Variants in GUCA1A observed in about 807,000 individuals in gnomAD.
GUCA1A encodes the protein guanylyl cyclase-activating protein 1.
A neutral mutation model predicts 18.5 loss-of-function variants in GUCA1A; 14 were observed. That is an observed-to-expected ratio of 0.76 (90% CI 0.50 to 1.18). GUCA1A has a LOEUF of 1.18. GUCA1A is among the 50% of genes most tolerant of loss of function. GUCA1A has a pLI of 0.00. For synonymous variants in GUCA1A, 97 were observed against 100.2 expected (o/e 0.97, Z 0.19); for missense variants, 264 against 262.4 (o/e 1.01, Z -0.04).
intron 1 of GUCA1A, among the ~76,000 whole-genome samples, chr6:42,177,968 C>G (rs1410507862): frequency 6.6e-6 from 1 of 152,236 alleles, no homozygotes; most frequent in African/African-American, 2.4e-5. Context: ...AAGCAGGCAG[C>G]GCTCGCTAAA....
At chr6:42,173,884 G>C in intron 1 of GUCA1A, 70 bp downstream of exon 1, 1 of 1,162,998 alleles carries the variant, frequency 8.6e-7, no homozygotes, top group Non-Finnish European at 1.3e-6. Flanking sequence ...ACCAGCTGGG[G>C]GTGAGGAAGA....
At position 42,179,500 on chromosome 6, in the gene GUCA1A, C is replaced by G; in HGVS notation, c.*97C>G. ...TTAACCCTAGATAGAATCTAATGAA[C>G]TCAGAGGCTTAGCTCGCCTCTTTAG... On this transcript the variant is annotated 3_prime_UTR_variant, in exon 4 of 4. Transcript: ENST00000372958. 9.3e-7 allele frequency: 1 copy of G among 1,076,068 alleles called. No individual in the cohort carries two copies. The highest frequency in any genetic ancestry group is 1.3e-6 in the Non-Finnish European group (1 of 758,856). 66.7% of individuals were successfully genotyped at this position (1,076,068 alleles called of 1,614,324 possible).
In GUCA1A at chr6:42,178,882, C is replaced by T. The variant is rs1263382505; in HGVS notation, c.432C>T (p.Asp144=). ...EFTDTVFSKI[D]VNGDGELSLE... ...CCGATACAGTGTTCTCCAAGATTGACGTCAACGGGGATGGTGAGGGGGCCG... is the reference window on the plus strand; with the variant it reads ...CCGATACAGTGTTCTCCAAGATTGATGTCAACGGGGATGGTGAGGGGGCCG... The change falls in exon 3 of 4, where the codon GAC becomes GAT. Residue 144 remains aspartate, a synonymous_variant. Coordinates refer to ENST00000372958, the MANE Select transcript of GUCA1A (RefSeq NM_001384910.1). The T allele has an allele frequency of 1.2e-6, 2 of 1,612,324 alleles. No individual in the cohort carries two copies. Among genetic ancestry groups the T allele is most frequent in the Non-Finnish European group, 1.7e-6 (2 of 1,178,390 alleles).
At chr6:42,175,784 A>AT (rs1767944073) in intron 1 of GUCA1A, among the ~76,000 whole-genome samples, 1 of 152,032 alleles carries the variant, frequency 6.6e-6, no homozygotes, top group Non-Finnish European at 1.5e-5. Context: ...CTCCTCCCTT[A>AT]TTCCACACAC....
Position 42,173,641 on chromosome 6 carries a change from G to C in GUCA1A, c.28G>C (p.Val10Leu). MGNVMEGKS[V>L]EELSSTECHQ... Reference sequence around the variant, plus strand: ...GGGCAACGTGATGGAGGGAAAGTCAGTGGAGGAGCTGAGCAGCACCGAGTG... The same window carrying C: ...GGGCAACGTGATGGAGGGAAAGTCACTGGAGGAGCTGAGCAGCACCGAGTG... The change falls in exon 1 of 4, where the codon GTG becomes CTG. Residue 10 changes from valine to leucine, a missense_variant. Coordinates refer to ENST00000372958, the MANE Select transcript of GUCA1A (RefSeq NM_001384910.1). 2 of 1,614,162 alleles carry C rather than the reference G, an allele frequency of 1.2e-6. No individual in the cohort carries two copies. Among genetic ancestry groups the C allele is most frequent in the African/African-American group, 2.7e-5 (2 of 75,074 alleles).
Position 42,179,229 on chromosome 6 carries a change from TC to T in GUCA1A, c.446-13del. ...ACACCCTCCTCCCCCTGATTCCCTTTCTCTCTACCCCAGGGGAACTCTCCCT... is the reference window on the plus strand; with the variant it reads ...ACACCCTCCTCCCCCTGATTCCCTTTTCTCTACCCCAGGGGAACTCTCCCT... On this transcript the variant is annotated splice_polypyrimidine_tract_variant and intron_variant, in intron 3 of 3. Coordinates refer to ENST00000372958, the MANE Select transcript of GUCA1A (RefSeq NM_001384910.1). 1 of 1,612,044 alleles carries T rather than the reference TC, an allele frequency of 6.2e-7. No homozygotes were observed.
intron 1 of GUCA1A, among the ~76,000 whole-genome samples, chr6:42,175,932 T>C (rs1767948822): frequency 6.6e-6 from 1 of 152,192 alleles, no homozygotes; most frequent in Non-Finnish European, 1.5e-5. Flanking sequence ...TGGTTTAAAC[T>C]CTGTTTAAAA....
In GUCA1A at chr6:42,178,811, G is replaced by T; in HGVS notation, c.361G>T (p.Ala121Ser). ...ELLTIIQAIR[A>S]INPCSDTTMT... ...CCTTCTTCCCTCCCAGGCCATTCGC[G>T]CCATTAACCCCTGCAGCGATACCAC... The change falls in exon 3 of 4, where the codon GCC becomes TCC. Residue 121 changes from alanine (A) to serine (S), a missense_variant. By Grantham distance (99) the Ala-to-Ser change is moderately conservative. Coordinates refer to ENST00000372958, the MANE Select transcript of GUCA1A (RefSeq NM_001384910.1). The T allele has an allele frequency of 6.2e-7, 1 of 1,612,162 alleles. No individual in the cohort carries two copies. Among genetic ancestry groups the T allele is most frequent in the Middle Eastern group, 1.7e-4 (1 of 6,060 alleles).
At position 42,178,448 on chromosome 6, in the gene GUCA1A, G is replaced by A; in HGVS notation, c.351+19G>A. The A allele has an allele frequency of 2.5e-6, 4 of 1,610,822 alleles. No homozygotes were observed. Among genetic ancestry groups the A allele is most frequent in the Non-Finnish European group, 3.4e-6 (4 of 1,177,686 alleles). On this transcript the variant is annotated intron_variant, in intron 2 of 3. Coordinates refer to ENST00000372958, the MANE Select transcript of GUCA1A (RefSeq NM_001384910.1). ...CATCCAGGTGCAGAGGGCCCGGCCA[G>A]GGCTGGGGGCAGCGGTCTGGGGTGG... is the stretch of plus-strand genomic sequence containing the variant.
At position 42,173,783 on chromosome 6, in the gene GUCA1A, A is replaced by G. The variant is rs1354565699; in HGVS notation, c.170A>G (p.Glu57Gly). 1.2e-6 allele frequency: 2 copies of G among 1,614,080 alleles called. No individual in the cohort carries two copies. The highest frequency in any genetic ancestry group is 2.2e-5 in the East Asian group (1 of 44,884). The change falls in exon 1 of 4, where the codon GAA (glutamate) becomes GGA (glycine). Residue 57 changes from glutamate to glycine, a missense_variant. Transcript: ENST00000372958. ...AGCCCGTCGGCCAGCCAGTACGTGG[A>G]ACAGATGTTTGAGACTTTTGACTTC... ...NLSPSASQYV[E>G]QMFETFDFNK...
At chr6:42,178,147 A>G in intron 1 of GUCA1A, 133 bp from the exon 2 acceptor site, 1 of 1,053,238 alleles carries the variant, frequency 9.5e-7, no homozygotes, top group Middle Eastern at 2.7e-4. Context: ...TGCATCTCCG[A>G]GGGTCCGGGT....
rs76128208 is a variant in GUCA1A, at chr6:42,179,147, G to A, written c.446-96G>A. On this transcript the variant is annotated intron_variant, in intron 3 of 3. Transcript: ENST00000372958. ...AGGGGCTCTGACTTCTCCTCACGTGGGCTCTGTCCCTGCCCCTGGCAAGAA... is the reference window on the plus strand; with the variant it reads ...AGGGGCTCTGACTTCTCCTCACGTGAGCTCTGTCCCTGCCCCTGGCAAGAA... 4.8e-3 allele frequency: 5,502 copies of A among 1,148,884 alleles called. 169 individuals are homozygous for A. In the African/African-American group the frequency reaches 0.068, roughly 14 times the overall value. 71.2% of individuals were successfully genotyped at this position (1,148,884 alleles called of 1,614,324 possible).
rs146354667 is a variant in GUCA1A, at chr6:42,178,283, G to C, written c.205G>C (p.Gly69Arg). 2 of 1,613,818 alleles carry C rather than the reference G, an allele frequency of 1.2e-6. No individual in the cohort carries two copies. Among genetic ancestry groups the C allele is most frequent in the Non-Finnish European group, 1.7e-6 (2 of 1,180,014 alleles). The change falls in exon 2 of 4, where the codon GGC (glycine) becomes CGC (arginine). Residue 69 changes from glycine (G) to arginine (R), a missense_variant. By Grantham distance (125) the Gly-to-Arg change is moderately radical. Transcript: ENST00000372958. ...MFETFDFNKDGYIDFMEYVAA... is the reference protein window; with the variant it reads ...MFETFDFNKDRYIDFMEYVAA... Reference sequence around the variant, plus strand: ...GGCGGCCGCGCCCCTCGCCCAGGACGGCTACATTGATTTCATGGAGTACGT... The same window carrying C: ...GGCGGCCGCGCCCCTCGCCCAGGACCGCTACATTGATTTCATGGAGTACGT...
chr6:42,177,801 C>CG (rs1195213298), intron 1 of GUCA1A, among the ~76,000 whole-genome samples: 2 of 152,126 alleles, frequency 1.3e-5, no homozygotes, highest in East Asian at 1.9e-4. Flanking sequence ...TAAGGCCTTC[C>CG]GGGGGCCTCA....
Position 42,178,829 on chromosome 6 carries a change from G to A in GUCA1A, c.379G>A (p.Asp127Asn), listed in dbSNP as rs550669351. 1 of 1,613,624 alleles carries A rather than the reference G, an allele frequency of 6.2e-7. No homozygotes were observed. The highest frequency in any genetic ancestry group is 1.7e-5 in the Admixed American group (1 of 60,016). The change falls in exon 3 of 4, where the codon GAT (aspartate) becomes AAT (asparagine). Residue 127 changes from aspartate to asparagine, a missense_variant. Asp to Asn is a conservative substitution (Grantham distance 23). Transcript: ENST00000372958. ...QAIRAINPCS[D>N]TTMTAEEFTD... ...CATTCGCGCCATTAACCCCTGCAGC[G>A]ATACCACCATGACTGCAGAGGAGTT...
At chr6:42,179,214 C>T in intron 3 of GUCA1A, 29 bp from the exon 4 acceptor site, 1 of 1,603,726 alleles carries the variant, frequency 6.2e-7, no homozygotes, top group Non-Finnish European at 8.5e-7. Flanking sequence ...ACACCCTCCT[C>T]CCCCTGATTC....
chr6:42,178,244 C>T (rs762298728), intron 1 of GUCA1A, 36 bp from the exon 2 acceptor site: 1 of 1,612,078 alleles, frequency 6.2e-7, no homozygotes, highest in East Asian at 2.2e-5. Flanking sequence ...TGAGCGGGGC[C>T]CGGATGGGCT....
In GUCA1A at chr6:42,179,955, A is replaced by G. The variant is rs545710600; in HGVS notation, c.*552A>G. On this transcript the variant is annotated 3_prime_UTR_variant, in exon 4 of 4. Transcript: ENST00000372958. Reference sequence around the variant, plus strand: ...AGCGCCTACTATGTACTAATGCTAGATGTTAGATGTACAAAGAAGACAGTT... The same window carrying G: ...AGCGCCTACTATGTACTAATGCTAGGTGTTAGATGTACAAAGAAGACAGTT... 3 of 152,320 alleles carry G rather than the reference A, an allele frequency of 2.0e-5. No individual in the cohort carries two copies. The highest frequency in any genetic ancestry group is 4.4e-5 in the Non-Finnish European group (3 of 68,104). 9.4% of individuals were successfully genotyped at this position (152,320 alleles called of 1,614,324 possible).
intron 1 of GUCA1A, among the ~76,000 whole-genome samples, chr6:42,176,272 G>A (rs1203971001): frequency 6.7e-6 from 1 of 149,808 alleles, no homozygotes; most frequent in Non-Finnish European, 1.5e-5. Context: ...GAGTGACTTT[G>A]TAACACCCAA....
Sources: allele counts gnomAD v4.1 joint callset (sites outside exome capture counted in the v4.1 genomes callset), GRCh38; gene constraint gnomAD v4.1.1; transcripts MANE v1.5; gene names NCBI Gene and HGNC (gene_info 2026-07-23, HGNC 2026-07-21).